The following SLC39A12 variants were observed in gnomAD, a reference collection of about 807,000 sequenced individuals.
SLC39A12 encodes the protein solute carrier family 39 member 12.
Under a neutral mutation model 71.1 loss-of-function variants are expected in SLC39A12, and 63 were observed. The ratio of observed to expected loss-of-function variants is 0.89; its 90% CI spans 0.72 to 1.09. The LOEUF (loss-of-function observed/expected upper bound fraction) is 1.09, where lower values mean the gene tolerates loss of function less well. Among genes scored for constraint, SLC39A12 ranks in the 50% least tolerant of loss-of-function variants. The pLI is 0.00. For missense variants in SLC39A12, 892 were observed against 812.6 expected (o/e 1.10, Z -1.19); for synonymous variants, 351 against 301.3 (o/e 1.16, Z -1.71).
At chr10:17,975,633 G>A (rs1835090314) in intron 4 of SLC39A12, among the ~76,000 whole-genome samples, 1 of 152,158 alleles carries the variant, frequency 6.6e-6, no homozygotes, top group Non-Finnish European at 1.5e-5. Flanking sequence ...GCAGCCTGGG[G>A]TTAGGGAAGG....
chr10:17,956,774 C>T (rs1554847817), intron 2 of SLC39A12, among the ~76,000 whole-genome samples: 1 of 152,222 alleles, frequency 6.6e-6, no homozygotes, highest in Non-Finnish European at 1.5e-5. Context: ...TAGCCCCTGA[C>T]ATAACTGTCA....
At chr10:18,036,935 C>T (rs1389761224) in intron 12 of SLC39A12, among the ~76,000 whole-genome samples, 16 of 151,300 alleles carry the variant, frequency 1.1e-4, no homozygotes, top group African/African-American at 2.2e-4. Flanking sequence ...GACAGGCACC[C>T]GCCACCATGC....
intron 4 of SLC39A12, among the ~76,000 whole-genome samples, chr10:17,967,326 C>T (rs1342467591): frequency 6.6e-6 from 1 of 152,162 alleles, no homozygotes; most frequent in African/African-American, 2.4e-5. Flanking sequence ...ACCTAGTCAT[C>T]TCTTTTTCAG....
chr10:18,036,938 C>T (rs1010286526), intron 12 of SLC39A12, among the ~76,000 whole-genome samples: 1 of 151,468 alleles, frequency 6.6e-6, no homozygotes, highest in African/African-American at 2.4e-5. Flanking sequence ...AGGCACCCGC[C>T]ACCATGCCTG....
chr10:17,955,513 A>G (rs1319001530), intron 2 of SLC39A12, among the ~76,000 whole-genome samples: 1 of 152,118 alleles, frequency 6.6e-6, no homozygotes, highest in Non-Finnish European at 1.5e-5. Flanking sequence ...CGAACCACAG[A>G]GCTTCAGCTT....
chr10:18,021,637 T>C lies in SLC39A12; in HGVS notation c.1947+18279T>C, dbSNP rs532449983. 4.6e-5 allele frequency among the ~76,000 whole-genome samples: 7 copies of C among 152,282 alleles called. No homozygotes were observed. In the South Asian group the frequency reaches 1.5e-3, roughly 32 times the overall value. On this transcript the variant is annotated intron_variant, in intron 12 of 12. Transcript: ENST00000377369. Reference sequence around the variant, plus strand: ...TGTTTATGTTCAAGGTTAATATTGATATGTATGGATTTGATCATGTCATCA... The same window carrying C: ...TGTTTATGTTCAAGGTTAATATTGACATGTATGGATTTGATCATGTCATCA...
intron 12 of SLC39A12, among the ~76,000 whole-genome samples, chr10:18,033,722 A>C (rs1480842509): frequency 2.2e-5 from 3 of 135,830 alleles, no homozygotes; most frequent in African/African-American, 8.3e-5. Context: ...TTGCTTTTCT[A>C]GTTCTTTTAA....
intron 5 of SLC39A12, among the ~76,000 whole-genome samples, chr10:17,980,745 G>C (rs2130808100): frequency 6.6e-6 from 1 of 152,054 alleles, no homozygotes; most frequent in East Asian, 1.9e-4. Flanking sequence ...TGTGGAGAAG[G>C]GTTATGCCAA....
chr10:17,961,655 G>A lies in SLC39A12; in HGVS notation c.336G>A (p.Gln112=). 6.2e-7 allele frequency: 1 copy of A among 1,614,004 alleles called. No individual in the cohort carries two copies. The highest frequency in any genetic ancestry group is 8.5e-7 in the Non-Finnish European group (1 of 1,179,894). The change falls in exon 3 of 13, where the codon CAG becomes CAA. Residue 112 remains glutamine (Q), a synonymous_variant. Coordinates refer to ENST00000377369, the MANE Select transcript of SLC39A12 (RefSeq NM_001145195.2). ...ATCAGCTTAGAGAAGAAGTGGTCCA[G>A]AGAGTTTCTCTTCTCCTTCTCTATT... is the stretch of plus-strand genomic sequence containing the variant. ...FEDQLREEVV[Q]RVSLLLLYYI...
intron 5 of SLC39A12, among the ~76,000 whole-genome samples, chr10:17,979,715 C>T (rs1049143139): frequency 6.6e-6 from 1 of 152,180 alleles, no homozygotes; most frequent in Non-Finnish European, 1.5e-5. Flanking sequence ...TGAGAAATGC[C>T]TTCCTCACCC....
At chr10:18,027,004 A>T (rs1421110527) in intron 12 of SLC39A12, among the ~76,000 whole-genome samples, 1 of 152,194 alleles carries the variant, frequency 6.6e-6, no homozygotes, top group African/African-American at 2.4e-5. Context: ...CATTTCTATT[A>T]CATCTGATTT....
At chr10:17,993,448 A>G (rs1222479089) in intron 9 of SLC39A12, among the ~76,000 whole-genome samples, 157 bp downstream of exon 9, 1 of 152,256 alleles carries the variant, frequency 6.6e-6, no homozygotes, top group African/African-American at 2.4e-5. Context: ...AACTCTGCCA[A>G]GCACCTGAAA....
chr10:17,963,553 T>C (rs1834745598), intron 3 of SLC39A12, among the ~76,000 whole-genome samples: 1 of 152,220 alleles, frequency 6.6e-6, no homozygotes, highest in Admixed American at 6.5e-5. Context: ...AACCCTTTGC[T>C]ACACCTCAGG....
chr10:18,023,284 A>G (rs950414834), intron 12 of SLC39A12, among the ~76,000 whole-genome samples: 3 of 152,208 alleles, frequency 2.0e-5, no homozygotes, highest in African/African-American at 7.2e-5. Context: ...GAGTGGCTGC[A>G]TTGCAAGCCC....
Position 17,953,448 on chromosome 10 carries a change from C to G in SLC39A12, c.172C>G (p.His58Asp). The G allele has an allele frequency of 6.2e-7, 1 of 1,614,188 alleles. No homozygotes were observed. The highest frequency in any genetic ancestry group is 8.5e-7 in the Non-Finnish European group (1 of 1,180,042). ...QVLSAGDHPP[H>D]NHSRSLIKTL... ...TCTCTCTGCTGGTGACCACCCACCC[C>G]ACAACCACTCAAGAAGCCTCATCAA... Residue 58 changes from histidine to aspartate, a missense_variant, in exon 2 of 13, where the codon CAC (histidine) becomes GAC (aspartate). Physicochemically the swap from His to Asp is moderately conservative, Grantham distance 81. Coordinates refer to ENST00000377369, the MANE Select transcript of SLC39A12 (RefSeq NM_001145195.2).
chr10:18,039,849 T>C (rs896067569), intron 12 of SLC39A12, among the ~76,000 whole-genome samples: 1 of 152,246 alleles, frequency 6.6e-6, no homozygotes, highest in South Asian at 2.1e-4. Context: ...ATATAAGCCT[T>C]AATCTAGAAT....
intron 12 of SLC39A12, among the ~76,000 whole-genome samples, chr10:18,042,393 G>T (rs899032109): frequency 1.4e-5 from 2 of 145,996 alleles, no homozygotes; most frequent in East Asian, 2.1e-4. Flanking sequence ...AGCCCAGGAG[G>T]TTGCTGTGAA....
chr10:18,033,239 T>A (rs1301213740), intron 12 of SLC39A12, among the ~76,000 whole-genome samples: 1 of 147,450 alleles, frequency 6.8e-6, no homozygotes, highest in Non-Finnish European at 1.5e-5. Context: ...CAGTTCCTCC[T>A]TGTACCTCTG....
chr10:17,992,930 A>T (rs1026961667), intron 8 of SLC39A12, among the ~76,000 whole-genome samples: 33 of 152,238 alleles, frequency 2.2e-4, no homozygotes, highest in African/African-American at 7.0e-4. Flanking sequence ...AAAGAATTTA[A>T]AATTTAATTT....
Sources: allele counts gnomAD v4.1 joint callset (sites outside exome capture counted in the v4.1 genomes callset), GRCh38; gene constraint gnomAD v4.1.1; transcripts MANE v1.5; gene names NCBI Gene and HGNC (gene_info 2026-07-23, HGNC 2026-07-21).